Variants in MPP7 observed in about 807,000 individuals in gnomAD.
The protein encoded by MPP7 is MAGUK p55 subfamily member 7.
In MPP7, 60 loss-of-function variants were observed where a neutral mutation model predicts 76.5. The observed-to-expected ratio is 0.78, with a 90% confidence interval of 0.64 to 0.97. MPP7 has a LOEUF of 0.97. Ranked by LOEUF, MPP7 falls within the 50% of genes least tolerant of loss-of-function variation. The probability of loss-of-function intolerance (pLI) is 0.00; values close to 1 mark genes in which losing one functional copy is unlikely to be tolerated. For missense variants in MPP7, 641 were observed against 694.0 expected (o/e 0.92, Z 0.86); for synonymous variants, 237 against 244.5 (o/e 0.97, Z 0.29).
At chr10:28,069,331 G>A (rs1467076877) in intron 13 of MPP7, among the ~76,000 whole-genome samples, 1 of 152,178 alleles carries the variant, frequency 6.6e-6, no homozygotes, top group Non-Finnish European at 1.5e-5. Flanking sequence ...TTGGCCAGGT[G>A]TGATGGTTCA....
At chr10:28,242,526 T>C (rs1362809772) in intron 1 of MPP7, among the ~76,000 whole-genome samples, 1 of 152,250 alleles carries the variant, frequency 6.6e-6, no homozygotes, top group Non-Finnish European at 1.5e-5. Flanking sequence ...CATCTGCTTA[T>C]ATAAAATGGT....
At chr10:28,222,218 C>G (rs983298304) in intron 2 of MPP7, among the ~76,000 whole-genome samples, 1 of 150,974 alleles carries the variant, frequency 6.6e-6, no homozygotes, top group African/African-American at 2.4e-5. Flanking sequence ...AAAAAAGTGG[C>G]CAGGCACAGT....
At chr10:28,328,509 A>G (rs1476401586) in intron 2 of MPP7, among the ~76,000 whole-genome samples, 1 of 151,524 alleles carries the variant, frequency 6.6e-6, no homozygotes, top group Admixed American at 6.6e-5. Context: ...GAGCTTACTC[A>G]TAGTTAAGAG....
chr10:28,150,873 T>A (rs562933127), intron 3 of MPP7, among the ~76,000 whole-genome samples: 2 of 152,170 alleles, frequency 1.3e-5, no homozygotes, highest in East Asian at 3.8e-4. Flanking sequence ...TAGCAGAAAG[T>A]TGAGAAACAA....
At chr10:28,230,956 A>C (rs1838862251) in intron 2 of MPP7, among the ~76,000 whole-genome samples, 1 of 152,242 alleles carries the variant, frequency 6.6e-6, no homozygotes, top group Non-Finnish European at 1.5e-5. Flanking sequence ...TAGAATACAG[A>C]ATATTTGAAT....
At chr10:28,191,796 C>T (rs989696424) in intron 3 of MPP7, among the ~76,000 whole-genome samples, 2 of 152,064 alleles carry the variant, frequency 1.3e-5, no homozygotes, top group African/African-American at 2.4e-5. Context: ...ATATGCTAAA[C>T]AAGAAAATCA....
intron 1 of MPP7, among the ~76,000 whole-genome samples, chr10:28,290,900 C>T (rs528075885): frequency 9.8e-5 from 15 of 152,328 alleles, no homozygotes; most frequent in African/African-American, 2.2e-4. Flanking sequence ...TGAACATTCA[C>T]ACTCATACAG....
At chr10:28,213,536 T>G (rs1838211112) in intron 2 of MPP7, among the ~76,000 whole-genome samples, 1 of 152,044 alleles carries the variant, frequency 6.6e-6, no homozygotes, top group South Asian at 2.1e-4. Context: ...GGCTCATGCC[T>G]GCAATCCCAG....
intron 13 of MPP7, among the ~76,000 whole-genome samples, chr10:28,064,742 A>G (rs1403250206): frequency 6.6e-6 from 1 of 152,242 alleles, no homozygotes; most frequent in East Asian, 1.9e-4. Context: ...ATATTTTAAT[A>G]CAATGCTCAG....
At chr10:28,208,429 C>G (rs955612830) in intron 2 of MPP7, among the ~76,000 whole-genome samples, 1 of 152,116 alleles carries the variant, frequency 6.6e-6, no homozygotes, top group African/African-American at 2.4e-5. Context: ...GCAAACACCC[C>G]CTCCAGTACA....
In MPP7 at chr10:28,150,007, T is replaced by TCC; in HGVS notation, c.208_209insGG (p.His70ArgfsTer20). ...ATCATCGGCCAAGGCCGCCGCACCA[T>TCC]GGAGAATGGGCACCGGACTCTGCTT... On this transcript the variant is annotated frameshift_variant, in exon 4 of 17. Coordinates refer to ENST00000683449, the MANE Select transcript of MPP7 (RefSeq NM_001318170.2). LOFTEE classifies it high-confidence loss of function. 3 of 1,613,732 alleles carry TCC rather than the reference T, an allele frequency of 1.9e-6. No individual in the cohort carries two copies. Among genetic ancestry groups the TCC allele is most frequent in the Non-Finnish European group, 2.5e-6 (3 of 1,179,912 alleles).
At chr10:28,330,856 T>A (rs1181550421) in intron 1 of MPP7, among the ~76,000 whole-genome samples, 1 of 152,116 alleles carries the variant, frequency 6.6e-6, no homozygotes, top group Non-Finnish European at 1.5e-5. Context: ...GTTGAGGGTC[T>A]CCCCATGTTG....
intron 1 of MPP7, among the ~76,000 whole-genome samples, chr10:28,295,553 C>G (rs1339210153): frequency 6.6e-6 from 1 of 151,944 alleles, no homozygotes; most frequent in East Asian, 1.9e-4. Flanking sequence ...TTCCCAATGC[C>G]AAAAAAAGAA....
At chr10:28,228,683 C>A (rs1015613501) in intron 2 of MPP7, among the ~76,000 whole-genome samples, 2 of 152,010 alleles carry the variant, frequency 1.3e-5, no homozygotes, top group Non-Finnish European at 2.9e-5. Context: ...ATCGCTTGAA[C>A]CCAAGAAGCA....
At position 28,053,979 on chromosome 10, in the gene MPP7, A is replaced by G. The variant is rs1460422206; in HGVS notation, c.*86T>C. The G allele has an allele frequency of 3.0e-6, 3 of 992,204 alleles. No homozygotes were observed. The highest frequency in any genetic ancestry group is 2.2e-5 in the Admixed American group (1 of 45,864). 61.5% of individuals were successfully genotyped at this position (992,204 alleles called of 1,614,324 possible). ...AAGATTGTACATCTATGACAGTGAT[A>G]TAGATTTAAAAACCCTACTACCAAA... On this transcript the variant is annotated 3_prime_UTR_variant, in exon 17 of 17. Transcript: ENST00000683449.
chr10:28,333,788 A>T (rs965828750), intron 1 of MPP7, among the ~76,000 whole-genome samples: 5 of 152,230 alleles, frequency 3.3e-5, no homozygotes, highest in African/African-American at 1.2e-4. Flanking sequence ...TTTTAAGTCT[A>T]TCTAGAAACA....
Position 28,167,862 on chromosome 10 carries a change from T to G in MPP7, c.157-17803A>C, listed in dbSNP as rs201513481. Among the ~76,000 whole-genome samples, 13 of 152,354 alleles carry G rather than the reference T, an allele frequency of 8.5e-5. No homozygotes were observed. In the East Asian group the frequency reaches 2.5e-3, roughly 29 times the overall value. ...CAATACTTGAGATTTACAGATCTCT[T>G]ATATTTTGCCAATCTAGAGGACCTA... On this transcript the variant is annotated intron_variant, in intron 3 of 16. Coordinates refer to ENST00000683449, the MANE Select transcript of MPP7 (RefSeq NM_001318170.2).
chr10:28,316,782 AGT>A (rs1395408597), intron 2 of MPP7, among the ~76,000 whole-genome samples: 2 of 152,224 alleles, frequency 1.3e-5, no homozygotes, highest in Non-Finnish European at 2.9e-5. Flanking sequence ...GAGTAGGAAA[AGT>A]TAAGTTTTCA....
At chr10:28,286,395 G>A (rs543863897) in intron 1 of MPP7, among the ~76,000 whole-genome samples, 29 of 152,010 alleles carry the variant, frequency 1.9e-4, no homozygotes, top group South Asian at 4.1e-4. Flanking sequence ...CTTTCCTAGC[G>A]TTACTAAACT....
Sources: gnomAD v4.1 joint callset for allele counts (sites outside exome capture counted in the v4.1 genomes callset) on GRCh38, gnomAD v4.1.1 for gene constraint, MANE v1.5 for transcripts, NCBI Gene and HGNC (gene_info 2026-07-23, HGNC 2026-07-21) for gene names.